The following EFCAB13 variants were observed in gnomAD, a reference collection of about 807,000 sequenced individuals.
EFCAB13 encodes EF-hand calcium binding domain 13, also known as EF-hand calcium-binding domain-containing protein 13.
Under a neutral mutation model 110.2 loss-of-function variants are expected in EFCAB13, and 91 were observed. That is an observed-to-expected ratio of 0.83 (90% confidence interval 0.70 to 0.98). The LOEUF (loss-of-function observed/expected upper bound fraction) is 0.98. Among genes scored for constraint, EFCAB13 ranks in the 50% least tolerant of loss-of-function variants. The pLI, the probability that EFCAB13 is intolerant of heterozygous loss-of-function variation, is 0.00. For synonymous variants in EFCAB13, 323 were observed against 369.9 expected (o/e 0.87, Z 1.45); for missense variants, 968 against 1,119.4 (o/e 0.86, Z 1.93).
At chr17:47,416,648 G>A (rs57427906) in intron 23 of EFCAB13, among the ~76,000 whole-genome samples, 96,039 of 151,850 alleles carry the variant, frequency 0.63, 30,797 homozygotes, top group African/African-American at 0.71. Flanking sequence ...TGAGTACCCA[G>A]TGTTTAGCTC....
Position 47,339,127 on chromosome 17 carries a change from G to A in EFCAB13, c.192-2794G>A, listed in dbSNP as rs570695401. ...GCTGAGTTCACCTGAAGCTGTTGTA[G>A]ATATAATCTAGTTAGTCACTGTCCT... is the stretch of plus-strand genomic sequence containing the variant. On this transcript the variant is annotated intron_variant, in intron 5 of 24. Coordinates refer to ENST00000331493, the MANE Select transcript of EFCAB13 (RefSeq NM_152347.5). Among the ~76,000 whole-genome samples, 17 of 152,212 alleles carry A rather than the reference G, an allele frequency of 1.1e-4. 1 individual carries two copies. The South Asian group carries it at 2.3e-3, about 20-fold the overall frequency.
At chr17:47,332,238 G>A (rs1240058777) in intron 4 of EFCAB13, among the ~76,000 whole-genome samples, 3 of 151,994 alleles carry the variant, frequency 2.0e-5, no homozygotes, top group African/African-American at 7.2e-5. Flanking sequence ...TGTTGTCAGT[G>A]TTTTGGGTTA....
chr17:47,353,297 T>A (rs1157480644), intron 9 of EFCAB13, among the ~76,000 whole-genome samples: 2 of 150,882 alleles, frequency 1.3e-5, no homozygotes, highest in East Asian at 1.9e-4. Context: ...TTATTTATTA[T>A]TTTTTTTTAT....
chr17:47,423,708 G>C (rs565795242), intron 23 of EFCAB13, among the ~76,000 whole-genome samples: 23 of 151,702 alleles, frequency 1.5e-4, no homozygotes, highest in Middle Eastern at 3.4e-3. Context: ...GGGGCGCCGG[G>C]ACCCGCGGGC....
intron 9 of EFCAB13, among the ~76,000 whole-genome samples, chr17:47,358,094 AAT>A (rs1360593741): frequency 6.6e-6 from 1 of 152,228 alleles, no homozygotes; most frequent in Non-Finnish European, 1.5e-5. Flanking sequence ...ATATCCAAGC[AAT>A]ATATGTGTAT....
intron 23 of EFCAB13, among the ~76,000 whole-genome samples, chr17:47,415,615 G>T (rs1222751855): frequency 5.3e-5 from 8 of 152,148 alleles, no homozygotes; most frequent in Non-Finnish European, 1.2e-4. Context: ...TCAATGACTT[G>T]TGGATCTATG....
chr17:47,328,466 A>C, intron 4 of EFCAB13, 83 bp downstream of exon 4: 1 of 1,111,998 alleles, frequency 9.0e-7, no homozygotes, highest in South Asian at 1.6e-5. Context: ...CATAATCAGT[A>C]AGCAAATTCA....
chr17:47,388,612 A>G (rs186497522), intron 14 of EFCAB13, among the ~76,000 whole-genome samples: 2 of 152,100 alleles, frequency 1.3e-5, no homozygotes, highest in African/African-American at 4.8e-5. Context: ...AAATAAATCT[A>G]TATTATATTG....
intron 5 of EFCAB13, 146 bp from the exon 6 acceptor site, chr17:47,341,775 A>G (rs2065386419): frequency 3.5e-6 from 2 of 572,042 alleles, no homozygotes; most frequent in East Asian, 3.1e-5. Context: ...GGGATGGGAT[A>G]TAGATGGAAT....
intron 23 of EFCAB13, among the ~76,000 whole-genome samples, chr17:47,417,049 A>G (rs1180422742): frequency 1.3e-5 from 2 of 152,258 alleles, no homozygotes; most frequent in Non-Finnish European, 2.9e-5. Context: ...AATAACATAA[A>G]TGATTGATTA....
At chr17:47,376,803 C>T (rs2065617825) in intron 12 of EFCAB13, among the ~76,000 whole-genome samples, 1 of 152,168 alleles carries the variant, frequency 6.6e-6, no homozygotes, top group African/African-American at 2.4e-5. Context: ...TCTTTAGTCC[C>T]CTTCAGTCTG....
intron 9 of EFCAB13, among the ~76,000 whole-genome samples, chr17:47,349,051 GT>G (rs1449816978): frequency 6.6e-6 from 1 of 152,286 alleles, no homozygotes; most frequent in East Asian, 1.9e-4. Context: ...ATGTTTCACT[GT>G]TTTTGAAAGA....
chr17:47,436,017 C>G (rs184850181), intron 24 of EFCAB13, among the ~76,000 whole-genome samples: 1 of 151,946 alleles, frequency 6.6e-6, no homozygotes, highest in African/African-American at 2.4e-5. Flanking sequence ...TTGTCAAATG[C>G]TTTTTCTGCA....
chr17:47,367,818 G>C (rs936423848), intron 10 of EFCAB13, among the ~76,000 whole-genome samples: 1 of 152,106 alleles, frequency 6.6e-6, no homozygotes, highest in African/African-American at 2.4e-5. Context: ...CCTGTCCCTC[G>C]AGAAGTACTG....
chr17:47,347,893 G>T lies in EFCAB13; in HGVS notation c.603G>T (p.Leu201Phe). The T allele has an allele frequency of 6.5e-7, 1 of 1,548,310 alleles. No homozygotes were observed. The highest frequency in any genetic ancestry group is 8.8e-7 in the Non-Finnish European group (1 of 1,137,558). ...ATCTTCCAGTGATCCTTTGCATCTT[G>T]AGAATTTCTATAAGTGATTTAGAAA... ...VNDLPVILCI[L>F]RISISDLEMR... is the part of the protein sequence containing the mutation. Residue 201 changes from leucine (L) to phenylalanine (F), a missense_variant, in exon 9 of 25, where the codon TTG (leucine) becomes TTT (phenylalanine). Leu to Phe is a conservative substitution (Grantham distance 22, BLOSUM62 0). Transcript: ENST00000331493.
intron 14 of EFCAB13, among the ~76,000 whole-genome samples, chr17:47,380,686 A>C (rs1209444927): frequency 6.6e-6 from 1 of 152,156 alleles, no homozygotes; most frequent in East Asian, 1.9e-4. Flanking sequence ...ATTAATTTAC[A>C]TTCCCACCAA....
chr17:47,341,962 C>A lies in EFCAB13; in HGVS notation c.233C>A (p.Ser78Tyr). 1.9e-6 allele frequency: 3 copies of A among 1,599,188 alleles called. No homozygotes were observed. Among genetic ancestry groups the A allele is most frequent in the Non-Finnish European group, 2.6e-6 (3 of 1,172,770 alleles). ...ATCTTTTGTGGAGAAGAAAAGTCCT[C>A]TGATTTTTCAGGAGAAAAAAAAGTT... ...SIIFCGEEKS[S>Y]DFSGEKKVGR... The change falls in exon 6 of 25, where the codon TCT (serine) becomes TAT (tyrosine). Residue 78 changes from serine (S) to tyrosine (Y), a missense_variant. Coordinates refer to ENST00000331493, the MANE Select transcript of EFCAB13 (RefSeq NM_152347.5).
intron 17 of EFCAB13, among the ~76,000 whole-genome samples, chr17:47,398,581 C>T (rs2065761268): frequency 6.6e-6 from 1 of 151,882 alleles, no homozygotes; most frequent in African/African-American, 2.4e-5. Flanking sequence ...GAATCATGTG[C>T]TGTGTCCACT....
intron 9 of EFCAB13, among the ~76,000 whole-genome samples, chr17:47,349,722 G>C (rs1361632454): frequency 6.8e-6 from 1 of 146,086 alleles, no homozygotes; most frequent in Non-Finnish European, 1.5e-5. Flanking sequence ...TGGAATGCTG[G>C]ATTTTTCAAA....
Sources: allele counts gnomAD v4.1 joint callset (sites outside exome capture counted in the v4.1 genomes callset), GRCh38; gene constraint gnomAD v4.1.1; transcripts MANE v1.5; gene names NCBI Gene and HGNC (gene_info 2026-07-23, HGNC 2026-07-21).